The following CTNNA3 variants were observed in gnomAD, a reference collection of about 807,000 sequenced individuals.
CTNNA3 encodes the protein catenin alpha-3.
Under a neutral mutation model 95.7 loss-of-function variants are expected in CTNNA3, and 76 were observed. That is an observed-to-expected ratio of 0.79 (90% CI 0.66 to 0.96). The LOEUF (loss-of-function observed/expected upper bound fraction) is 0.96, where lower values mean the gene tolerates loss of function less well. Ranked by LOEUF, CTNNA3 falls within the 40% of genes least tolerant of loss-of-function variation. CTNNA3 has a pLI of 0.00. For synonymous variants in CTNNA3, 431 were observed against 374.4 expected, an observed-to-expected ratio of 1.15 and a Z score of -1.74; for missense variants, 1,191 against 1,089.8, an observed-to-expected ratio of 1.09 and a Z score of -1.31.
At chr10:65,957,498 A>G (rs2077755818) in intron 17 of CTNNA3, among the ~76,000 whole-genome samples, 2 of 152,234 alleles carry the variant, frequency 1.3e-5, no homozygotes, top group South Asian at 4.2e-4. Flanking sequence ...TGGTCTTTAC[A>G]ATTTAGCATG....
chr10:66,549,193 A>G (rs886385550), intron 10 of CTNNA3, among the ~76,000 whole-genome samples: 2 of 151,550 alleles, frequency 1.3e-5, no homozygotes, highest in Non-Finnish European at 2.9e-5. Flanking sequence ...ATAGGGTTTC[A>G]CCTTGTTAGC....
intron 7 of CTNNA3, among the ~76,000 whole-genome samples, chr10:67,105,309 G>T (rs544174493): frequency 6.6e-6 from 1 of 151,746 alleles, no homozygotes; most frequent in South Asian, 2.1e-4. Context: ...ATTAGTCCAA[G>T]AACTATTTCT....
At chr10:66,006,212 A>G (rs1323267991) in intron 15 of CTNNA3, among the ~76,000 whole-genome samples, 2 of 151,848 alleles carry the variant, frequency 1.3e-5, no homozygotes, top group African/African-American at 4.8e-5. Flanking sequence ...ACGGGGCTTC[A>G]CAGTGTTAGC....
intron 17 of CTNNA3, among the ~76,000 whole-genome samples, chr10:65,937,867 A>G (rs2077367900): frequency 6.6e-6 from 1 of 152,102 alleles, no homozygotes; most frequent in South Asian, 2.1e-4. Flanking sequence ...GACACTTTGC[A>G]AGCAGGTTTG....
chr10:67,640,548 T>A (rs1367898970), intron 2 of CTNNA3, among the ~76,000 whole-genome samples: 1 of 152,060 alleles, frequency 6.6e-6, no homozygotes, highest in South Asian at 2.1e-4. Flanking sequence ...CATTGCCAAG[T>A]CAATCCTAAG....
chr10:67,670,991 G>GT (rs1564821535), intron 1 of CTNNA3, among the ~76,000 whole-genome samples: 2 of 152,058 alleles, frequency 1.3e-5, no homozygotes, highest in Middle Eastern at 3.4e-3. Context: ...TTGTTTGTTT[G>GT]TTTTTTGGTC....
At chr10:66,564,968 A>G (rs1419433189) in intron 10 of CTNNA3, among the ~76,000 whole-genome samples, 1 of 152,214 alleles carries the variant, frequency 6.6e-6, no homozygotes, top group Admixed American at 6.5e-5. Context: ...GGCTATTTCC[A>G]CTGGGCAGCT....
At chr10:67,181,669 ATGTG>A (rs1287408497) in intron 6 of CTNNA3, among the ~76,000 whole-genome samples, 1 of 152,000 alleles carries the variant, frequency 6.6e-6, no homozygotes, top group African/African-American at 2.4e-5. Flanking sequence ...AAATAAGTAT[ATGTG>A]TGTGTGTTTA....
chr10:66,149,650 AT>A (rs2084085939), intron 13 of CTNNA3, among the ~76,000 whole-genome samples: 1 of 151,892 alleles, frequency 6.6e-6, no homozygotes, highest in South Asian at 2.1e-4. Flanking sequence ...GCACTGTAAA[AT>A]TTGATATACT....
At chr10:67,592,966 T>C (rs1842831788) in intron 3 of CTNNA3, among the ~76,000 whole-genome samples, 1 of 152,152 alleles carries the variant, frequency 6.6e-6, no homozygotes, top group Non-Finnish European at 1.5e-5. Flanking sequence ...CTAACCCTTC[T>C]CCTACCCTCC....
At chr10:66,032,775 A>G (rs1316446576) in intron 15 of CTNNA3, among the ~76,000 whole-genome samples, 1 of 152,214 alleles carries the variant, frequency 6.6e-6, no homozygotes, top group African/African-American at 2.4e-5. Context: ...ACATGAAGAT[A>G]CTATTAATAA....
chr10:66,652,416 G>C (rs544062736), intron 9 of CTNNA3, among the ~76,000 whole-genome samples: 1 of 152,022 alleles, frequency 6.6e-6, no homozygotes, highest in African/African-American at 2.4e-5. Flanking sequence ...AATTTCTAGA[G>C]ATATCACCCA....
At chr10:66,989,365 T>C (rs923785038) in intron 7 of CTNNA3, among the ~76,000 whole-genome samples, 1 of 152,184 alleles carries the variant, frequency 6.6e-6, no homozygotes, top group Non-Finnish European at 1.5e-5. Context: ...AGAGGAAAAT[T>C]TATTGAAAAA....
intron 5 of CTNNA3, among the ~76,000 whole-genome samples, chr10:67,457,616 T>A (rs1360579976): frequency 6.6e-6 from 1 of 152,200 alleles, no homozygotes; most frequent in Admixed American, 6.5e-5. Context: ...TTTACAGTTC[T>A]GGAGGTAAGA....
At chr10:66,332,969 T>C (rs2092349174) in intron 12 of CTNNA3, among the ~76,000 whole-genome samples, 1 of 152,148 alleles carries the variant, frequency 6.6e-6, no homozygotes, top group Non-Finnish European at 1.5e-5. Flanking sequence ...GGTGTATGTG[T>C]CTAGGAATTT....
At chr10:65,931,616 C>T (rs1222609482) in intron 17 of CTNNA3, among the ~76,000 whole-genome samples, 2 of 152,202 alleles carry the variant, frequency 1.3e-5, no homozygotes, top group Non-Finnish European at 2.9e-5. Context: ...GACTCACACA[C>T]TCTGTACCTA....
At chr10:66,866,665 G>A (rs542865980) in intron 7 of CTNNA3, among the ~76,000 whole-genome samples, 2 of 152,266 alleles carry the variant, frequency 1.3e-5, no homozygotes, top group Admixed American at 6.5e-5. Context: ...AGGGTATTGG[G>A]TAGGAGCCAC....
At chr10:66,996,668 A>AAAAAAAAAAAAAAC (rs1851369647) in intron 7 of CTNNA3, among the ~76,000 whole-genome samples, 1 of 150,804 alleles carries the variant, frequency 6.6e-6, no homozygotes. Flanking sequence ...AAAAAAAAAA[A>AAAAAAAAAAAAAAC]AAAGCATGTT....
chr10:66,687,716 T>TAC (rs1175215616), intron 9 of CTNNA3, among the ~76,000 whole-genome samples: 5,194 of 141,352 alleles, frequency 0.037, 285 homozygotes, highest in African/African-American at 0.13. Flanking sequence ...TATATATATA[T>TAC]ATACACACAC....
Sources: allele counts gnomAD v4.1 joint callset (sites outside exome capture counted in the v4.1 genomes callset), GRCh38; gene constraint gnomAD v4.1.1; transcripts MANE v1.5; gene names NCBI Gene and HGNC (gene_info 2026-07-23, HGNC 2026-07-21).